The following KMT2C variants were observed in gnomAD, a reference collection of about 807,000 sequenced individuals.
KMT2C encodes the protein histone-lysine N-methyltransferase 2C.
KMT2C carries 88 observed loss-of-function variants against 507.9 expected under a neutral mutation model. The ratio of observed to expected loss-of-function variants is 0.17; its 90% confidence interval spans 0.15 to 0.21. KMT2C has a LOEUF of 0.21. KMT2C is among the 10% of genes least tolerant of loss of function. The pLI is 1.00. For missense variants in KMT2C, 4,954 were observed against 5,957.8 expected (o/e 0.83, Z 5.55); for synonymous variants, 2,049 against 2,080.8 (o/e 0.98, Z 0.42).
At chr7:152,303,693 A>C (rs980607974) in intron 6 of KMT2C, among the ~76,000 whole-genome samples, 9 of 152,176 alleles carry the variant, frequency 5.9e-5, no homozygotes, top group African/African-American at 1.9e-4. Context: ...AGTTACATAA[A>C]GGAGATATGC....
intron 3 of KMT2C, among the ~76,000 whole-genome samples, chr7:152,327,966 A>G (rs994208135): frequency 5.3e-5 from 8 of 151,178 alleles, no homozygotes; most frequent in Non-Finnish European, 1.2e-4. Context: ...TCAAAAAAAA[A>G]AAAAAAAAAG....
At chr7:152,174,980 ATCCT>A (rs971020721) in intron 38 of KMT2C, among the ~76,000 whole-genome samples, 1 of 152,242 alleles carries the variant, frequency 6.6e-6, no homozygotes, top group Non-Finnish European at 1.5e-5. Flanking sequence ...TCTTAAATTC[ATCCT>A]TCCATGACTG....
Position 152,181,785 on chromosome 7 carries a change from T to C in KMT2C, c.6075A>G (p.Ser2025=), listed in dbSNP as rs1256123238. 3 of 1,614,154 alleles carry C rather than the reference T, an allele frequency of 1.9e-6. No homozygotes were observed. In the South Asian group the frequency reaches 3.3e-5, roughly 18 times the overall value. ...CAGGTGTCAACAAGGGTCGTGCATA[T>C]GAGTCAGGTATCCTTTGTCTTTGAA... ...DVFQRQRIPD[S]YARPLLTPAP... Residue 2025 remains serine, a synonymous_variant, in exon 36 of 59, where the codon TCA becomes TCG. Coordinates refer to ENST00000262189, the MANE Select transcript of KMT2C (RefSeq NM_170606.3).
In KMT2C at chr7:152,251,984, G is replaced by T. The variant is rs776295921; in HGVS notation, c.1576C>A (p.Arg526Ser). Residue 526 changes from arginine (R) to serine (S), a missense_variant, in exon 11 of 59, where the codon CGT (arginine) becomes AGT (serine). Physicochemically the swap from Arg to Ser is moderately radical, Grantham distance 110 (BLOSUM62 -1). This residue lies in a region of KMT2C where 376 missense variants were observed against 352.4 expected (regional missense o/e 1.07). Coordinates refer to ENST00000262189, the MANE Select transcript of KMT2C (RefSeq NM_170606.3). ...YCKHLGAEMD[R>S]LQPGEEVEIA... Reference sequence around the variant, plus strand: ...TCCACTTCCTCACCTGGCTGTAAACGATCCATCTCAGCTCCCAGGTGTTTA... The same window carrying T: ...TCCACTTCCTCACCTGGCTGTAAACTATCCATCTCAGCTCCCAGGTGTTTA... 3.7e-6 allele frequency: 6 copies of T among 1,612,470 alleles called. No individual in the cohort carries two copies. Among genetic ancestry groups the T allele is most frequent in the South Asian group, 2.2e-5 (2 of 90,668 alleles).
chr7:152,238,524 T>C (rs2095326620), intron 15 of KMT2C, among the ~76,000 whole-genome samples, 183 bp downstream of exon 15: 2 of 152,264 alleles, frequency 1.3e-5, no homozygotes, highest in South Asian at 2.1e-4. Flanking sequence ...TAAAAAGAGG[T>C]ATTAAAAATG....
intron 1 of KMT2C, among the ~76,000 whole-genome samples, chr7:152,385,187 C>A (rs1025576964): frequency 2.0e-5 from 3 of 152,112 alleles, no homozygotes; most frequent in Non-Finnish European, 4.4e-5. Flanking sequence ...AAAATCCTGA[C>A]TACAGGAACT....
chr7:152,224,536 T>C lies in KMT2C; in HGVS notation c.3057A>G (p.Pro1019=). The change falls in exon 19 of 59, where the codon CCA becomes CCG. Residue 1019 remains proline, a synonymous_variant. Transcript: ENST00000262189. ...AGTCATCACACAGCAGGAGTCTTCC[T>C]GGGTCAGTTGCCTTCCCACAGGCCT... The part of the protein sequence containing the change: ...VCEACGKATD[P]GRLLLCDDCD... The C allele has an allele frequency of 6.2e-7, 1 of 1,611,408 alleles. No individual in the cohort carries two copies.
At chr7:152,156,655 A>AACTT (rs1474560525) in intron 44 of KMT2C, among the ~76,000 whole-genome samples, 2 of 152,220 alleles carry the variant, frequency 1.3e-5, no homozygotes, top group Non-Finnish European at 2.9e-5. Context: ...TTTCGTGGTT[A>AACTT]TAGCTAGTGA....
intron 55 of KMT2C, among the ~76,000 whole-genome samples, chr7:152,142,352 A>G (rs1182785169): frequency 6.6e-6 from 1 of 152,268 alleles, no homozygotes; most frequent in Admixed American, 6.5e-5. Context: ...AATTCCTATG[A>G]AAGCAAATCC....
chr7:152,397,252 G>T (rs1160609153), intron 1 of KMT2C, among the ~76,000 whole-genome samples: 1 of 151,578 alleles, frequency 6.6e-6, no homozygotes, highest in Non-Finnish European at 1.5e-5. Context: ...TTGGAGTGCA[G>T]GGGCTTGATG....
Position 152,182,212 on chromosome 7 carries a change from G to A in KMT2C, c.5648C>T (p.Ser1883Leu). The change falls in exon 36 of 59, where the codon TCA becomes TTA. Residue 1883 changes from serine (S) to leucine (L), a missense_variant. This residue lies in a region of KMT2C where 1,689 missense variants were observed against 1,654.3 expected (regional missense o/e 1.02). Coordinates refer to ENST00000262189, the MANE Select transcript of KMT2C (RefSeq NM_170606.3). ...TSQPPSPQVF[S>L]PGSSNSRPPS... The stretch of plus-strand genomic sequence containing the variant: ...TGGTCGTGAGTTAGAGGACCCAGGT[G>A]AAAACACTTGCGGTGAGGGTGGCTG... 3.7e-6 allele frequency: 6 copies of A among 1,614,140 alleles called. No homozygotes were observed. Among genetic ancestry groups the A allele is most frequent in the Non-Finnish European group, 5.1e-6 (6 of 1,180,030 alleles).
chr7:152,171,438 C>T (rs1401503326), intron 39 of KMT2C, 96 bp from the exon 40 acceptor site: 25 of 747,714 alleles, frequency 3.3e-5, no homozygotes, highest in Non-Finnish European at 5.0e-5. Flanking sequence ...GTTTTCTCTT[C>T]CAGAGAAGAA....
intron 6 of KMT2C, among the ~76,000 whole-genome samples, chr7:152,308,672 T>TAAA (rs2096641797): frequency 2.7e-5 from 1 of 36,886 alleles, no homozygotes; most frequent in African/African-American, 2.1e-4. Context: ...AAAACTCCTC[T>TAAA]CAAAAAAAAA....
chr7:152,310,085 G>A lies in KMT2C; in HGVS notation c.740-10C>T, dbSNP rs749227621. On this transcript the variant is annotated splice_polypyrimidine_tract_variant and intron_variant, in intron 5 of 58. Transcript: ENST00000262189. ...TGAGCCCAACAAGTGCCTAAAATGG[G>A]AAAAATGAAAAGGAGCAAATGAGCA... 1 of 1,561,042 alleles carries A rather than the reference G, an allele frequency of 6.4e-7. No individual in the cohort carries two copies. The highest frequency in any genetic ancestry group is 8.8e-7 in the Non-Finnish European group (1 of 1,141,450).
Position 152,246,667 on chromosome 7 carries a change from A to G in KMT2C, c.2532+1235T>C, listed in dbSNP as rs2095478973. 2.6e-5 allele frequency among the ~76,000 whole-genome samples: 4 copies of G among 152,266 alleles called. No homozygotes were observed. In the South Asian group the frequency reaches 8.3e-4, roughly 32 times the overall value. The stretch of plus-strand genomic sequence containing the variant: ...TTTTCAGAGTCAGAACAACATAATT[A>G]TTATATAACTATTCAAAACAAAACA... On this transcript the variant is annotated intron_variant, in intron 14 of 58. Transcript: ENST00000262189.
At chr7:152,434,395 G>C (rs2097895874) in intron 1 of KMT2C, among the ~76,000 whole-genome samples, 1 of 152,170 alleles carries the variant, frequency 6.6e-6, no homozygotes, top group South Asian at 2.1e-4. Context: ...TTCAAGTCAA[G>C]AGCTCAATGG....
chr7:152,294,290 T>TAA (rs2096466407), intron 6 of KMT2C, among the ~76,000 whole-genome samples: 1 of 152,210 alleles, frequency 6.6e-6, no homozygotes, highest in African/African-American at 2.4e-5. Context: ...CATTGTTAAT[T>TAA]TTTTGATGCC....
At position 152,163,690 on chromosome 7, in the gene KMT2C, G is replaced by C. The variant is rs376425355; in HGVS notation, c.9887C>G (p.Pro3296Arg). 2 of 1,613,970 alleles carry C rather than the reference G, an allele frequency of 1.2e-6. No homozygotes were observed. The highest frequency in any genetic ancestry group is 2.7e-5 in the African/African-American group (2 of 74,926). ...AAAGGTGGGTTGGCTCATGGTGGGT[G>C]GAGTGGCACCTGGAATTAGGGGTGG... ...PQPPLIPGAT[P>R]PTMSQPTFPM... The change falls in exon 43 of 59, where the codon CCA (proline) becomes CGA (arginine). Residue 3296 changes from proline to arginine, a missense_variant. Pro to Arg is a moderately radical substitution (Grantham distance 103, BLOSUM62 -2). Coordinates refer to ENST00000262189, the MANE Select transcript of KMT2C (RefSeq NM_170606.3).
At chr7:152,381,126 T>G (rs1054030665) in intron 1 of KMT2C, among the ~76,000 whole-genome samples, 10 of 152,162 alleles carry the variant, frequency 6.6e-5, no homozygotes, top group Non-Finnish European at 1.2e-4. Context: ...GTCATCAAGT[T>G]TTGTTCTGTT....
Sources: gnomAD v4.1 joint callset for allele counts (sites outside exome capture counted in the v4.1 genomes callset) on GRCh38, gnomAD v4.1.1 for gene constraint, gnomAD v4.1.1 regional missense constraint, MANE v1.5 for transcripts, NCBI Gene and HGNC (gene_info 2026-07-23, HGNC 2026-07-21) for gene names.